Variants in DCN observed in about 807,000 individuals in gnomAD.
DCN encodes the protein decorin.
In DCN, 17 loss-of-function variants were observed where a neutral mutation model predicts 36.5. The ratio of observed to expected loss-of-function variants is 0.47; its 90% CI spans 0.32 to 0.70. The LOEUF is 0.70. Ranked by LOEUF, DCN falls within the 30% of genes least tolerant of loss-of-function variation. DCN has a pLI of 0.04. For missense variants in DCN, 389 were observed against 430.1 expected, an observed-to-expected ratio of 0.90 and a Z score of 0.84; for synonymous variants, 163 against 161.4, an observed-to-expected ratio of 1.01 and a Z score of -0.07.
At chr12:91,153,236 A>C in intron 5 of DCN, 47 bp from the exon 6 acceptor site, 1 of 1,052,674 alleles carries the variant, frequency 9.5e-7, no homozygotes, top group Non-Finnish European at 1.5e-6. Context: ...AAACATTATA[A>C]GTACAGAATG....
chr12:91,173,469 A>G (rs1883102626), intron 2 of DCN, among the ~76,000 whole-genome samples: 1 of 152,108 alleles, frequency 6.6e-6, no homozygotes, highest in Admixed American at 6.6e-5. Flanking sequence ...TGGATTCAGG[A>G]GACTTGTTTA....
chr12:91,181,884 G>A (rs940010510), intron 1 of DCN, among the ~76,000 whole-genome samples: 1 of 149,536 alleles, frequency 6.7e-6, no homozygotes, highest in Admixed American at 6.6e-5. Flanking sequence ...GCTCTTTTCT[G>A]GTTAGAAACA....
Position 91,148,486 on chromosome 12 carries a change from G to A in DCN, c.886-2234C>T, listed in dbSNP as rs112387943. Reference sequence around the variant, plus strand: ...TAATCTCAGCACTTTGGGAGGCCGAGGCGGATGGATCATGAGGTCAGGTGT... The same window carrying A: ...TAATCTCAGCACTTTGGGAGGCCGAAGCGGATGGATCATGAGGTCAGGTGT... On this transcript the variant is annotated intron_variant, in intron 7 of 7. Transcript: ENST00000052754. Among the ~76,000 whole-genome samples, 3 of 151,998 alleles carry A rather than the reference G, an allele frequency of 2.0e-5. 1 individual carries two copies. The highest frequency in any genetic ancestry group is 7.2e-5 in the African/African-American group (3 of 41,486).
chr12:91,180,462 T>C (rs182091596), intron 1 of DCN: 51 of 152,256 alleles, frequency 3.3e-4, no homozygotes, highest in African/African-American at 1.2e-3. Context: ...AGGTATCTTC[T>C]GGGAATTTTT....
At chr12:91,163,718 A>T (rs1228446693) in intron 3 of DCN, among the ~76,000 whole-genome samples, 1 of 152,226 alleles carries the variant, frequency 6.6e-6, no homozygotes, top group African/African-American at 2.4e-5. Context: ...CCTAAAGATA[A>T]AGCAAGAAAC....
intron 2 of DCN, chr12:91,169,801 C>T (rs1882832610): frequency 1.9e-5 from 3 of 156,152 alleles, no homozygotes; most frequent in Non-Finnish European, 2.8e-5. Context: ...CGGTGACTCA[C>T]GCCTGTAATC....
chr12:91,159,807 G>A (rs1882043783), intron 3 of DCN, among the ~76,000 whole-genome samples: 1 of 151,652 alleles, frequency 6.6e-6, no homozygotes, highest in Non-Finnish European at 1.5e-5. Context: ...ATTATTTCAA[G>A]CCACTTTATT....
chr12:91,165,842 C>G (rs916849415), intron 2 of DCN, among the ~76,000 whole-genome samples: 2 of 151,988 alleles, frequency 1.3e-5, no homozygotes, highest in Non-Finnish European at 2.9e-5. Flanking sequence ...CTCTTGGGCA[C>G]CATGAATTTA....
At chr12:91,179,808 T>C (rs1319290624) in intron 1 of DCN, 1 of 152,194 alleles carries the variant, frequency 6.6e-6, no homozygotes, top group Non-Finnish European at 1.5e-5. Context: ...ATCAATTTCC[T>C]AGTTTCTCAA....
chr12:91,169,031 C>A (rs1000677112), intron 2 of DCN, among the ~76,000 whole-genome samples: 3 of 150,764 alleles, frequency 2.0e-5, no homozygotes, highest in African/African-American at 7.3e-5. Flanking sequence ...ACAATTAATC[C>A]TGAATCTGAT....
At chr12:91,152,123 A>G (rs1881470510) in intron 6 of DCN, among the ~76,000 whole-genome samples, 1 of 152,126 alleles carries the variant, frequency 6.6e-6, no homozygotes, top group Non-Finnish European at 1.5e-5. Context: ...ATTTTTAAAA[A>G]CTGTTCACTT....
intron 2 of DCN, chr12:91,177,513 G>A (rs933507522): frequency 4.3e-6 from 3 of 694,190 alleles, no homozygotes; most frequent in Non-Finnish European, 7.8e-6. Context: ...GAATGTGAAT[G>A]AGCTGCCATG....
At chr12:91,160,370 A>G (rs1882082154) in intron 3 of DCN, among the ~76,000 whole-genome samples, 1 of 151,812 alleles carries the variant, frequency 6.6e-6, no homozygotes, top group African/African-American at 2.4e-5. Flanking sequence ...AAAAATCTGT[A>G]TTATGTTAAA....
intron 3 of DCN, among the ~76,000 whole-genome samples, 180 bp from the exon 4 acceptor site, chr12:91,158,689 C>T (rs1026044064): frequency 2.6e-5 from 4 of 152,078 alleles, no homozygotes; most frequent in Non-Finnish European, 5.9e-5. Flanking sequence ...AGGCCAGGTG[C>T]GGTGGCTCAT....
At position 91,157,113 on chromosome 12, in the gene DCN, A is replaced by G. The variant is rs1299109972; in HGVS notation, c.614T>C (p.Ile205Thr). The G allele has an allele frequency of 1.2e-6, 2 of 1,612,998 alleles. No individual in the cohort carries two copies. Among genetic ancestry groups the G allele is most frequent in the Non-Finnish European group, 1.7e-6 (2 of 1,179,092 alleles). ...AFQGMKKLSY[I>T]RIADTNITSI... ...GGTGATATTGGTATCAGCAATGCGG[A>G]TGTAGGAGAGCTTCTTCATTCCCTG... The change falls in exon 5 of 8, where the codon ATC (isoleucine) becomes ACC (threonine). Residue 205 changes from isoleucine to threonine, a missense_variant. Ile to Thr is a moderately conservative substitution (Grantham distance 89). Transcript: ENST00000052754.
At chr12:91,172,167 CT>C (rs780087230) in intron 2 of DCN, 2 of 150,316 alleles carry the variant, frequency 1.3e-5, no homozygotes, top group Non-Finnish European at 3.0e-5. Context: ...TTTTATTTCC[CT>C]TCTTTTGGTT....
intron 1 of DCN, chr12:91,179,860 T>G (rs1883498285): frequency 6.6e-6 from 1 of 152,218 alleles, no homozygotes; most frequent in African/African-American, 2.4e-5. Flanking sequence ...TGGAAAATTC[T>G]GATTTTTATG....
At chr12:91,153,755 C>T (rs941456449) in intron 5 of DCN, among the ~76,000 whole-genome samples, 2 of 151,918 alleles carry the variant, frequency 1.3e-5, no homozygotes, top group Non-Finnish European at 2.9e-5. Context: ...TTTACTTATG[C>T]CTATTAAATC....
chr12:91,156,691 A>G (rs1361544217), intron 5 of DCN, among the ~76,000 whole-genome samples: 5 of 142,248 alleles, frequency 3.5e-5, no homozygotes, highest in Non-Finnish European at 7.7e-5. Context: ...GTACTCCCAT[A>G]TATCTTTTTT....
Sources: gnomAD v4.1 joint callset for allele counts (sites outside exome capture counted in the v4.1 genomes callset) on GRCh38, gnomAD v4.1.1 for gene constraint, MANE v1.5 for transcripts, NCBI Gene and HGNC (gene_info 2026-07-23, HGNC 2026-07-21) for gene names.